Variants in CACNG5 observed in about 807,000 individuals in gnomAD.
The protein encoded by CACNG5 is voltage-dependent calcium channel gamma-5 subunit.
A neutral mutation model predicts 24.8 loss-of-function variants in CACNG5; 18 were observed. The observed-to-expected ratio is 0.73, with a 90% CI of 0.50 to 1.08. CACNG5 has a LOEUF of 1.08. Among genes scored for constraint, CACNG5 ranks in the 50% least tolerant of loss-of-function variants. The pLI is 0.00. For synonymous variants in CACNG5, 157 were observed against 149.1 expected (o/e 1.05, Z -0.39); for missense variants, 349 against 367.9 (o/e 0.95, Z 0.42).
At chr17:66,879,082 C>T (rs759748575) in intron 3 of CACNG5, 24 bp downstream of exon 3, 3 of 1,570,166 alleles carry the variant, frequency 1.9e-6, no homozygotes, top group Middle Eastern at 1.7e-4. Context: ...GTCTGGCAAC[C>T]TGGGCCACTG....
At chr17:66,876,869 G>A (rs546870884) in intron 1 of CACNG5, among the ~76,000 whole-genome samples, 56 of 152,268 alleles carry the variant, frequency 3.7e-4, no homozygotes, top group African/African-American at 1.3e-3. Context: ...TCAATAGGTC[G>A]CATTTAATTG....
chr17:66,848,288 C>G (rs775053689), intron 1 of CACNG5, among the ~76,000 whole-genome samples: 1 of 152,184 alleles, frequency 6.6e-6, no homozygotes, highest in Non-Finnish European at 1.5e-5. Flanking sequence ...CAGGAAACTT[C>G]CAGAAGTTCC....
rs561097879 is a variant in CACNG5 at position 66,838,525 on chromosome 17, T to C, written c.-104+3275T>C. On this transcript the variant is annotated intron_variant, in intron 1 of 5. Transcript: ENST00000533854. The stretch of plus-strand genomic sequence containing the variant: ...CCTGGGCGCCCAGGGGGCTTGATGA[T>C]GTGGACTGGTCCTGGCTGGTGAAGC... Among the ~76,000 whole-genome samples, 8 of 151,882 alleles carry C rather than the reference T, an allele frequency of 5.3e-5. No homozygotes were observed. In the South Asian group the frequency reaches 1.7e-3, roughly 32 times the overall value.
chr17:66,844,749 G>A (rs1271107982), intron 1 of CACNG5, among the ~76,000 whole-genome samples: 1 of 152,138 alleles, frequency 6.6e-6, no homozygotes, highest in Non-Finnish European at 1.5e-5. Flanking sequence ...TGTCTACGAG[G>A]TCACTATCAT....
intron 1 of CACNG5, among the ~76,000 whole-genome samples, chr17:66,855,446 C>G (rs1418504890): frequency 6.6e-6 from 1 of 152,202 alleles, no homozygotes; most frequent in Non-Finnish European, 1.5e-5. Flanking sequence ...TGCCCCTTAG[C>G]TCCAGGAAGA....
At chr17:66,871,229 C>G (rs956207572) in intron 1 of CACNG5, among the ~76,000 whole-genome samples, 1 of 152,190 alleles carries the variant, frequency 6.6e-6, no homozygotes, top group Non-Finnish European at 1.5e-5. Flanking sequence ...ACACTGGCTA[C>G]GCTGACACTG....
intron 1 of CACNG5, among the ~76,000 whole-genome samples, chr17:66,837,880 G>C (rs978651233): frequency 2.6e-5 from 4 of 151,964 alleles, no homozygotes; most frequent in Non-Finnish European, 4.4e-5. Flanking sequence ...TTGGGGCGAG[G>C]GGGAAGGGGC....
intron 1 of CACNG5, among the ~76,000 whole-genome samples, chr17:66,838,075 G>T (rs1250882285): frequency 1.3e-5 from 2 of 152,086 alleles, no homozygotes; most frequent in African/African-American, 4.8e-5. Flanking sequence ...ACCACGTGGG[G>T]TTTGGTGTGT....
intron 1 of CACNG5, among the ~76,000 whole-genome samples, chr17:66,873,441 G>A (rs371999772): frequency 1.3e-4 from 19 of 151,902 alleles, no homozygotes; most frequent in East Asian, 3.9e-4. Flanking sequence ...TTTATTTCTC[G>A]CTTTTGTAGA....
At chr17:66,845,096 T>G (rs1598044814) in intron 1 of CACNG5, among the ~76,000 whole-genome samples, 1 of 152,254 alleles carries the variant, frequency 6.6e-6, no homozygotes, top group East Asian at 1.9e-4. Context: ...ATATACACCA[T>G]GGAATATTAT....
At position 66,858,143 on chromosome 17, in the gene CACNG5, T is replaced by A. The variant is rs75920217; in HGVS notation, c.-103-19087T>A. 3.4e-3 allele frequency among the ~76,000 whole-genome samples: 516 copies of A among 152,214 alleles called. 1 individual carries two copies. The highest frequency in any genetic ancestry group is 0.011 in the African/African-American group (455 of 41,522). On this transcript the variant is annotated intron_variant, in intron 1 of 5. Transcript: ENST00000533854. ...TTCTGGGCTTTCTGGCCTTGCAACA[T>A]CCTGCACCTCCCCGGCCCACCCCAA...
Position 66,890,421 on chromosome 17 carries a change from A to G in CACNG5, c.*5181A>G, listed in dbSNP as rs1360100750. On this transcript the variant is annotated 3_prime_UTR_variant, in exon 6 of 6. Coordinates refer to ENST00000533854, the MANE Select transcript of CACNG5 (RefSeq NM_145811.3). Reference sequence around the variant, plus strand: ...CTCTAGCATCCACGTCTCCCAGGACAGGTGCTAGGGCCTCATGTCCTTGGT... The same window carrying G: ...CTCTAGCATCCACGTCTCCCAGGACGGGTGCTAGGGCCTCATGTCCTTGGT... Among the ~76,000 whole-genome samples the G allele has an allele frequency of 6.6e-6, 1 of 152,256 alleles. No individual in the cohort carries two copies. The highest frequency in any genetic ancestry group is 1.5e-5 in the Non-Finnish European group (1 of 68,032).
chr17:66,853,563 T>C (rs1976733904), intron 1 of CACNG5, among the ~76,000 whole-genome samples: 1 of 152,208 alleles, frequency 6.6e-6, no homozygotes, highest in Non-Finnish European at 1.5e-5. Context: ...TGGTATCTCA[T>C]TGTGGTTCAA....
chr17:66,851,817 G>A (rs72843341), intron 1 of CACNG5, among the ~76,000 whole-genome samples: 10,158 of 152,230 alleles, frequency 0.067, 440 homozygotes, highest in South Asian at 0.13. Context: ...GCAAATATGG[G>A]TGACTTTCTG....
At chr17:66,851,745 C>T (rs1040139560) in intron 1 of CACNG5, among the ~76,000 whole-genome samples, 4 of 152,072 alleles carry the variant, frequency 2.6e-5, no homozygotes, top group Non-Finnish European at 5.9e-5. Context: ...GAGAAAAAGA[C>T]CAAAATGATA....
rs181864909 is a variant in CACNG5 at position 66,837,361 on chromosome 17, C to A, written c.-104+2111C>A. On this transcript the variant is annotated intron_variant, in intron 1 of 5. Transcript: ENST00000533854. ...ATGGAGGATGTAACCCAGTCTCCAGCAAACTCTGCCTCTGCAGGGAGCTGG... is the reference window on the plus strand; with the variant it reads ...ATGGAGGATGTAACCCAGTCTCCAGAAAACTCTGCCTCTGCAGGGAGCTGG... 1.1e-4 allele frequency among the ~76,000 whole-genome samples: 16 copies of A among 152,338 alleles called. No homozygotes were observed. In the East Asian group the frequency reaches 3.1e-3, roughly 29 times the overall value.
intron 1 of CACNG5, among the ~76,000 whole-genome samples, chr17:66,839,105 G>T (rs149068805): frequency 6.6e-6 from 1 of 151,856 alleles, no homozygotes; most frequent in Admixed American, 6.6e-5. Context: ...GGGATCACAG[G>T]CATGTGTCAC....
At chr17:66,876,178 C>A (rs1183967821) in intron 1 of CACNG5, among the ~76,000 whole-genome samples, 1 of 152,192 alleles carries the variant, frequency 6.6e-6, no homozygotes, top group Non-Finnish European at 1.5e-5. Context: ...TAGCGAAGAT[C>A]AGTTGTTTTG....
chr17:66,867,542 G>T (rs1976947818), intron 1 of CACNG5, among the ~76,000 whole-genome samples: 1 of 152,032 alleles, frequency 6.6e-6, no homozygotes, highest in Admixed American at 6.5e-5. Context: ...TAAAATCTTT[G>T]CCCATGCCTG....
Sources: allele counts gnomAD v4.1 joint callset (sites outside exome capture counted in the v4.1 genomes callset), GRCh38; gene constraint gnomAD v4.1.1; transcripts MANE v1.5; gene names NCBI Gene and HGNC (gene_info 2026-07-23, HGNC 2026-07-21).